PPM1H: variants seen among roughly 807,000 people sequenced by gnomAD.
PPM1H encodes protein phosphatase, Mg2+/Mn2+ dependent 1H.
PPM1H carries 27 observed loss-of-function variants against 54.9 expected under a neutral mutation model. The observed-to-expected ratio is 0.49, with a 90% CI of 0.36 to 0.68. The LOEUF (loss-of-function observed/expected upper bound fraction) is 0.68. Ranked by LOEUF, PPM1H falls within the 30% of genes least tolerant of loss-of-function variation. The probability of loss-of-function intolerance (pLI) is 0.00; values close to 1 mark genes in which losing one functional copy is unlikely to be tolerated. For synonymous variants in PPM1H, 305 were observed against 270.8 expected, an observed-to-expected ratio of 1.13 and a Z score of -1.24; for missense variants, 596 against 667.8, an observed-to-expected ratio of 0.89 and a Z score of 1.19.
In PPM1H at chr12:62,831,697, T is replaced by TTG. The variant is rs1225248619; in HGVS notation, c.411+415_411+416dup. On this transcript the variant is annotated intron_variant, in intron 2 of 9. Transcript: ENST00000228705. ...GTGGCTCCTTTGAAACCGTCAAACA[T>TTG]TGTGTGTGTATGTGTGTGTGTGTGT... Among the ~76,000 whole-genome samples, 1,286 of 149,572 alleles carry TTG rather than the reference T, an allele frequency of 8.6e-3. 16 individuals are homozygous for TTG. Among genetic ancestry groups the TTG allele is most frequent in the African/African-American group, 0.03 (1,210 of 40,104 alleles).
intron 7 of PPM1H, among the ~76,000 whole-genome samples, chr12:62,692,096 A>C (rs1233520474): frequency 6.6e-6 from 1 of 152,188 alleles, no homozygotes; most frequent in Non-Finnish European, 1.5e-5. Flanking sequence ...ATGAGAAGTA[A>C]TGGCCACAGA....
chr12:62,696,798 G>C (rs2076117175), intron 6 of PPM1H, among the ~76,000 whole-genome samples: 2 of 150,688 alleles, frequency 1.3e-5, no homozygotes, highest in Non-Finnish European at 2.9e-5. Flanking sequence ...GAGAGGTTAA[G>C]TTACTCCTCC....
At position 62,648,722 on chromosome 12, in the gene PPM1H, A is replaced by T. The variant is rs2075800126; in HGVS notation, c.1398-86T>A. 5.7e-6 allele frequency: 8 copies of T among 1,413,860 alleles called. No homozygotes were observed. In the Admixed American group the frequency reaches 1.7e-4, roughly 30 times the overall value. The allele number at this position is 1,413,860 out of a possible 1,614,324, so 87.6% of individuals were successfully genotyped here. A position where few individuals can be genotyped will look rare whatever the true frequency, so the allele number is the denominator to read the frequency against. On this transcript the variant is annotated intron_variant, in intron 9 of 9. Transcript: ENST00000228705. Reference sequence around the variant, plus strand: ...GTGAGGCTGGGAAGGGGGAGGCATCACTACAGTTGTATAAATAAGTTTCAA... The same window carrying T: ...GTGAGGCTGGGAAGGGGGAGGCATCTCTACAGTTGTATAAATAAGTTTCAA...
chr12:62,879,165 A>G (rs756741254), intron 1 of PPM1H, among the ~76,000 whole-genome samples: 1 of 152,200 alleles, frequency 6.6e-6, no homozygotes, highest in Admixed American at 6.5e-5. Flanking sequence ...ACCGTTTAGC[A>G]GGAAGTGTTT....
chr12:62,704,460 C>T (rs1383073034), intron 6 of PPM1H, among the ~76,000 whole-genome samples: 1 of 152,084 alleles, frequency 6.6e-6, no homozygotes, highest in Non-Finnish European at 1.5e-5. Context: ...ATGATATGAT[C>T]CCTGGGAAAG....
chr12:62,809,453 G>T (rs1216645369), intron 2 of PPM1H, among the ~76,000 whole-genome samples: 3 of 152,174 alleles, frequency 2.0e-5, no homozygotes, highest in Non-Finnish European at 2.9e-5. Context: ...ATGGTTTGAT[G>T]CATAAAGTCA....
At chr12:62,776,312 G>A (rs571734053) in intron 4 of PPM1H, among the ~76,000 whole-genome samples, 6 of 152,252 alleles carry the variant, frequency 3.9e-5, no homozygotes, top group East Asian at 1.9e-4. Context: ...CCTTGCTGTC[G>A]CATTTGAAAC....
chr12:62,804,676 C>CTT (rs759291510), intron 2 of PPM1H, among the ~76,000 whole-genome samples: 7,848 of 116,114 alleles, frequency 0.068, 425 homozygotes, highest in South Asian at 0.1. Flanking sequence ...CTTTTTTTTT[C>CTT]TTTTTTTTTT....
intron 8 of PPM1H, among the ~76,000 whole-genome samples, chr12:62,670,864 CCT>C (rs2136616696): frequency 6.6e-6 from 1 of 152,288 alleles, no homozygotes; most frequent in African/African-American, 2.4e-5. Context: ...TTACAACCAC[CCT>C]CTGTTTCCTG....
chr12:62,924,852 G>A (rs1871924380), intron 1 of PPM1H, among the ~76,000 whole-genome samples: 1 of 152,028 alleles, frequency 6.6e-6, no homozygotes, highest in African/African-American at 2.4e-5. Flanking sequence ...GACCAGCCTA[G>A]CCAACATGGC....
Position 62,857,266 on chromosome 12 carries a change from C to T in PPM1H, c.246-24987G>A, listed in dbSNP as rs115077816. 9.1e-3 allele frequency among the ~76,000 whole-genome samples: 1,382 copies of T among 152,230 alleles called. 16 individuals carry two copies. Among genetic ancestry groups the T allele is most frequent in the African/African-American group, 0.032 (1,312 of 41,532 alleles). ...GGAAGGAAGGAAGGAAAGATTACTA[C>T]TGTTTTGGCCAGTTAAATATGTAAC... On this transcript the variant is annotated intron_variant, in intron 1 of 9. Transcript: ENST00000228705.
At chr12:62,818,667 C>T (rs1005889636) in intron 2 of PPM1H, among the ~76,000 whole-genome samples, 17 of 152,158 alleles carry the variant, frequency 1.1e-4, no homozygotes, top group Middle Eastern at 6.8e-3. Context: ...TTGCTATTTG[C>T]CAGACTGTGG....
intron 1 of PPM1H, among the ~76,000 whole-genome samples, chr12:62,918,404 T>C (rs1240151107): frequency 6.6e-6 from 1 of 152,208 alleles, no homozygotes; most frequent in Non-Finnish European, 1.5e-5. Flanking sequence ...GGTACCAAAA[T>C]AGGGGCAATT....
intron 8 of PPM1H, among the ~76,000 whole-genome samples, chr12:62,683,429 T>C (rs757390900): frequency 6.6e-6 from 1 of 152,196 alleles, no homozygotes; most frequent in Admixed American, 6.5e-5. Context: ...AGACAGGCTG[T>C]GATTGCTTGT....
At chr12:62,698,626 C>T (rs747248333) in intron 6 of PPM1H, among the ~76,000 whole-genome samples, 26 of 151,642 alleles carry the variant, frequency 1.7e-4, no homozygotes, top group African/African-American at 6.3e-4. Flanking sequence ...AAGATGTGGT[C>T]CAAATAAGAA....
chr12:62,661,427 G>T (rs1365320439), intron 9 of PPM1H, among the ~76,000 whole-genome samples: 1 of 152,142 alleles, frequency 6.6e-6, no homozygotes, highest in Non-Finnish European at 1.5e-5. Flanking sequence ...TTGAGACAGG[G>T]TCTCGCTCTG....
chr12:62,932,461 C>T (rs1248588376), intron 1 of PPM1H, among the ~76,000 whole-genome samples: 1 of 152,010 alleles, frequency 6.6e-6, no homozygotes, highest in Non-Finnish European at 1.5e-5. Flanking sequence ...ATAACTTTCT[C>T]ACCATTGCCT....
chr12:62,698,537 A>G (rs1011959137), intron 6 of PPM1H, among the ~76,000 whole-genome samples: 2 of 152,154 alleles, frequency 1.3e-5, no homozygotes, highest in African/African-American at 4.8e-5. Flanking sequence ...TGAGCACTGA[A>G]TACTGTGGTG....
rs536194739 is a variant in PPM1H at position 62,677,076 on chromosome 12, C to G, written c.1246-9747G>C. 4.6e-5 allele frequency among the ~76,000 whole-genome samples: 7 copies of G among 152,252 alleles called. No individual in the cohort carries two copies. In the South Asian group the frequency reaches 1.5e-3, roughly 32 times the overall value. On this transcript the variant is annotated intron_variant, in intron 8 of 9. Coordinates refer to ENST00000228705, the MANE Select transcript of PPM1H (RefSeq NM_020700.2). The stretch of plus-strand genomic sequence containing the variant: ...CAGACTCACAGAGACAATGGGACAA[C>G]CTGCCTGCAGATAGGAGCTACCCAT...
Sources: allele counts gnomAD v4.1 joint callset (sites outside exome capture counted in the v4.1 genomes callset), GRCh38; gene constraint gnomAD v4.1.1; transcripts MANE v1.5; gene names NCBI Gene and HGNC (gene_info 2026-07-23, HGNC 2026-07-21).